USP34: variants seen among roughly 807,000 people sequenced by gnomAD.
The protein encoded by USP34 is ubiquitin carboxyl-terminal hydrolase 34.
Under a neutral mutation model 460.3 loss-of-function variants are expected in USP34, and 70 were observed. The observed-to-expected ratio is 0.15, with a 90% CI of 0.13 to 0.19. The LOEUF (loss-of-function observed/expected upper bound fraction) is 0.19, where lower values mean the gene tolerates loss of function less well. USP34 is among the 10% of genes least tolerant of loss of function. The probability of loss-of-function intolerance (pLI) is 1.00; values close to 1 mark genes in which losing one functional copy is unlikely to be tolerated. For synonymous variants in USP34, 1,647 were observed against 1,405.3 expected (o/e 1.17, Z -3.85); for missense variants, 3,985 against 4,236.2 (o/e 0.94, Z 1.65).
chr2:61,255,107 G>C (rs1291865485), intron 48 of USP34, among the ~76,000 whole-genome samples: 1 of 152,186 alleles, frequency 6.6e-6, no homozygotes, highest in Non-Finnish European at 1.5e-5. Flanking sequence ...TGGGATTACA[G>C]ATGGGACCCA....
At chr2:61,365,245 C>T (rs985929105) in intron 10 of USP34, among the ~76,000 whole-genome samples, 1 of 129,606 alleles carries the variant, frequency 7.7e-6, no homozygotes, top group African/African-American at 3.2e-5. Context: ...GAGCAAGACT[C>T]CATTTCAAAA....
chr2:61,408,689 G>T (rs1382602776), intron 2 of USP34, among the ~76,000 whole-genome samples: 3 of 151,372 alleles, frequency 2.0e-5, no homozygotes, highest in Admixed American at 1.3e-4. Flanking sequence ...TAAGGTCAGG[G>T]GTTTGACACC....
chr2:61,229,387 C>T (rs1464298037), intron 59 of USP34, among the ~76,000 whole-genome samples, 161 bp downstream of exon 59: 1 of 146,988 alleles, frequency 6.8e-6, no homozygotes, highest in Admixed American at 6.9e-5. Flanking sequence ...TTTGGGAGGC[C>T]GAGGCGGGCG....
chr2:61,243,405 C>T (rs543312189), intron 51 of USP34, among the ~76,000 whole-genome samples: 97 of 152,092 alleles, frequency 6.4e-4, no homozygotes, highest in African/African-American at 2.1e-3. Flanking sequence ...CTTCGGCCTC[C>T]CAACGTGCTG....
chr2:61,233,588 G>A (rs1687977666), intron 57 of USP34, among the ~76,000 whole-genome samples: 1 of 152,108 alleles, frequency 6.6e-6, no homozygotes, highest in Non-Finnish European at 1.5e-5. Context: ...CACTCTGGGA[G>A]GCAGAGGCAG....
At chr2:61,428,719 C>T (rs562282114) in intron 1 of USP34, among the ~76,000 whole-genome samples, 1 of 151,854 alleles carries the variant, frequency 6.6e-6, no homozygotes, top group African/African-American at 2.4e-5. Flanking sequence ...GTTTCTGCAA[C>T]AAATAAAAAG....
intron 1 of USP34, among the ~76,000 whole-genome samples, chr2:61,454,814 G>A (rs2104078121): frequency 6.7e-6 from 1 of 149,988 alleles, no homozygotes; most frequent in Non-Finnish European, 1.5e-5. Context: ...CTCCCAAAGT[G>A]CTGGGATTAT....
chr2:61,238,107 G>T (rs955392089), intron 53 of USP34, among the ~76,000 whole-genome samples: 1 of 151,772 alleles, frequency 6.6e-6, no homozygotes, highest in African/African-American at 2.4e-5. Flanking sequence ...TGTTGGCCAG[G>T]CTGGTCTCGA....
intron 10 of USP34, among the ~76,000 whole-genome samples, chr2:61,354,461 T>C (rs1692046050): frequency 6.6e-6 from 1 of 152,204 alleles, no homozygotes; most frequent in Admixed American, 6.5e-5. Flanking sequence ...AAGGAGTTTG[T>C]GACACTTACA....
At position 61,308,315 on chromosome 2, in the gene USP34, A is replaced by C. The variant is rs143687575; in HGVS notation, c.3817+3225T>G. 1.3e-3 allele frequency among the ~76,000 whole-genome samples: 201 copies of C among 152,316 alleles called. 1 individual carries two copies. Among genetic ancestry groups the C allele is most frequent in the South Asian group, 8.5e-3 (41 of 4,828 alleles). On this transcript the variant is annotated intron_variant, in intron 27 of 79. Coordinates refer to ENST00000398571, the MANE Select transcript of USP34 (RefSeq NM_014709.4). ...TAATCTCAAAAAGATTTCAACTTTA[A>C]AAATAGGCATATTTTTTCAGAGAAA... is the stretch of plus-strand genomic sequence containing the variant.
chr2:61,241,272 G>C (rs550394330), intron 53 of USP34, among the ~76,000 whole-genome samples: 4 of 152,030 alleles, frequency 2.6e-5, no homozygotes, highest in African/African-American at 9.6e-5. Flanking sequence ...TTGAACCCCT[G>C]ACCTCGTGAT....
At chr2:61,271,081 C>T (rs960339542) in intron 41 of USP34, among the ~76,000 whole-genome samples, 4 of 151,880 alleles carry the variant, frequency 2.6e-5, no homozygotes, top group South Asian at 4.2e-4. Flanking sequence ...GTCAGGAATT[C>T]GAGACCAGCA....
chr2:61,295,391 T>C (rs1440444095), intron 30 of USP34, 101 bp from the exon 31 acceptor site: 2 of 1,248,230 alleles, frequency 1.6e-6, no homozygotes, highest in South Asian at 1.9e-5. Flanking sequence ...CAAAATATTA[T>C]ATATACTTTG....
At chr2:61,206,645 C>T in intron 71 of USP34, 115 bp downstream of exon 71, 4 of 1,300,110 alleles carry the variant, frequency 3.1e-6, no homozygotes, top group Non-Finnish European at 4.2e-6. Flanking sequence ...GCTTCAGCCT[C>T]ATCTTCTGTG....
chr2:61,375,434 CTT>C lies in USP34; in HGVS notation c.1076+2927_1076+2928del, dbSNP rs200445832. Among the ~76,000 whole-genome samples the C allele has an allele frequency of 7.8e-3, 1,186 of 152,152 alleles. 17 individuals are homozygous for C. The highest frequency in any genetic ancestry group is 0.027 in the Middle Eastern group (8 of 294). Reference sequence around the variant, plus strand: ...ATGAAAACATATGATCACAAAAGGACTTTACATAAATGTTTATAATGGCATTA... The same window carrying C: ...ATGAAAACATATGATCACAAAAGGACTACATAAATGTTTATAATGGCATTA... On this transcript the variant is annotated intron_variant, in intron 8 of 79. Coordinates refer to ENST00000398571, the MANE Select transcript of USP34 (RefSeq NM_014709.4).
chr2:61,190,089 A>G (rs1215259591), intron 78 of USP34, 182 bp downstream of exon 78: 1 of 613,680 alleles, frequency 1.6e-6, no homozygotes, highest in African/African-American at 1.9e-5. Flanking sequence ...CCAAGGTGAT[A>G]GAGTGTGCTG....
chr2:61,330,587 C>G (rs1451321584), intron 20 of USP34, among the ~76,000 whole-genome samples: 1 of 152,176 alleles, frequency 6.6e-6, no homozygotes, highest in East Asian at 1.9e-4. Flanking sequence ...TGTGACTCCT[C>G]CTCTTCTTCA....
intron 20 of USP34, among the ~76,000 whole-genome samples, chr2:61,330,425 T>C (rs1314336989): frequency 1.3e-5 from 2 of 152,136 alleles, no homozygotes; most frequent in Non-Finnish European, 2.9e-5. Context: ...AAAAATAAAA[T>C]CTAGAGAAGT....
chr2:61,430,589 A>G (rs186485178), intron 1 of USP34, among the ~76,000 whole-genome samples: 31 of 152,308 alleles, frequency 2.0e-4, no homozygotes, highest in Admixed American at 4.6e-4. Flanking sequence ...ATAAACACAT[A>G]CCCTTACAAT....
Sources: gnomAD v4.1 joint callset for allele counts (sites outside exome capture counted in the v4.1 genomes callset) on GRCh38, gnomAD v4.1.1 for gene constraint, MANE v1.5 for transcripts, NCBI Gene and HGNC (gene_info 2026-07-23, HGNC 2026-07-21) for gene names.